Variants in ABCC5 observed in about 807,000 individuals in gnomAD.
The protein encoded by ABCC5 is ATP binding cassette subfamily C member 5.
Under a neutral mutation model 160.9 loss-of-function variants are expected in ABCC5, and 61 were observed. The ratio of observed to expected loss-of-function variants is 0.38; its 90% CI spans 0.31 to 0.47. ABCC5 has a LOEUF of 0.47. Ranked by LOEUF, ABCC5 falls within the 20% of genes least tolerant of loss-of-function variation. The pLI is 0.99. For missense variants in ABCC5, 1,308 were observed against 1,813.3 expected (o/e 0.72, Z 5.06); for synonymous variants, 666 against 700.6 (o/e 0.95, Z 0.78).
chr3:183,924,209 G>A (rs1345313923), intron 29 of ABCC5, among the ~76,000 whole-genome samples: 3 of 151,852 alleles, frequency 2.0e-5, no homozygotes, highest in Non-Finnish European at 2.9e-5. Context: ...TGGTAGAGAC[G>A]GCGTTTCGTC....
chr3:183,925,783 A>T, intron 28 of ABCC5, 64 bp from the exon 29 acceptor site: 1 of 1,486,578 alleles, frequency 6.7e-7, no homozygotes, highest in Non-Finnish European at 9.1e-7. Context: ...GTTAATCTAG[A>T]TTTTACTAAA....
intron 11 of ABCC5, among the ~76,000 whole-genome samples, chr3:183,968,310 A>T (rs1367302197): frequency 1.3e-5 from 2 of 151,998 alleles, no homozygotes; most frequent in African/African-American, 4.8e-5. Flanking sequence ...GGGTTTCGCC[A>T]TGTTGGTCAC....
At chr3:183,944,714 T>C (rs1414640953) in intron 24 of ABCC5, among the ~76,000 whole-genome samples, 1 of 152,186 alleles carries the variant, frequency 6.6e-6, no homozygotes, top group African/African-American at 2.4e-5. Flanking sequence ...TTTCTTAACA[T>C]ATTATGAGAC....
At chr3:183,990,083 A>C (rs868223050) in intron 2 of ABCC5, among the ~76,000 whole-genome samples, 2 of 150,802 alleles carry the variant, frequency 1.3e-5, no homozygotes, top group Non-Finnish European at 3.0e-5. Flanking sequence ...GATTACAGGC[A>C]TGAGCCACCG....
At chr3:183,941,436 C>A (rs1714339808) in intron 25 of ABCC5, among the ~76,000 whole-genome samples, 1 of 152,010 alleles carries the variant, frequency 6.6e-6, no homozygotes, top group Non-Finnish European at 1.5e-5. Context: ...TGAAGTAATT[C>A]CCTCAAACAG....
intron 12 of ABCC5, among the ~76,000 whole-genome samples, chr3:183,966,465 T>C (rs369649854): frequency 2.5e-4 from 38 of 152,308 alleles, no homozygotes; most frequent in African/African-American, 8.9e-4. Context: ...AGAGACAGGG[T>C]TGCCAGGATT....
Position 183,987,547 on chromosome 3 carries a change from C to A in ABCC5, c.591+223G>T. 1 of 642,652 alleles carries A rather than the reference C, an allele frequency of 1.6e-6. No individual in the cohort carries two copies. The highest frequency in any genetic ancestry group is 2.8e-6 in the Non-Finnish European group (1 of 362,348). The allele number at this position is 642,652 out of a possible 1,614,324, so 39.8% of individuals were successfully genotyped here. ...AACTGGAGTCAGTTCCATTTCACCC[C>A]CACCCAGAAATCAAGCCAGTTCCAT... On this transcript the variant is annotated intron_variant, in intron 5 of 29. Transcript: ENST00000334444. This position sits in a 1 kb window ranked among gnomAD's most constrained non-coding sequence, Gnocchi z 4.2.
At chr3:183,974,396 C>A (rs952720454) in intron 10 of ABCC5, among the ~76,000 whole-genome samples, 2 of 152,224 alleles carry the variant, frequency 1.3e-5, no homozygotes, top group African/African-American at 4.8e-5. Flanking sequence ...CAACCTCTGC[C>A]TCCCAGGTTC....
chr3:183,945,754 C>T, intron 24 of ABCC5, 96 bp downstream of exon 24: 2 of 942,344 alleles, frequency 2.1e-6, no homozygotes, highest in Non-Finnish European at 3.5e-6. Flanking sequence ...AGGCAGAGAA[C>T]ACAAGCCTCC....
intron 23 of ABCC5, 48 bp from the exon 24 acceptor site, chr3:183,945,987 C>T (rs774068512): frequency 4.2e-5 from 65 of 1,542,186 alleles, no homozygotes; most frequent in Admixed American, 2.0e-4. Context: ...TATCAATACA[C>T]GCCAGGCCAA....
chr3:183,935,638 A>C (rs763759713), intron 26 of ABCC5, among the ~76,000 whole-genome samples: 12 of 151,812 alleles, frequency 7.9e-5, no homozygotes, highest in Non-Finnish European at 1.5e-4. Context: ...GGAGCTCTGG[A>C]GTAGCTGGGA....
At chr3:183,961,772 C>A in intron 15 of ABCC5, 118 bp from the exon 16 acceptor site, 1 of 1,290,930 alleles carries the variant, frequency 7.7e-7, no homozygotes, top group South Asian at 1.5e-5. Context: ...AGACATTTGG[C>A]AGCATCTGGA....
intron 24 of ABCC5, among the ~76,000 whole-genome samples, chr3:183,945,451 G>T (rs1173704942): frequency 6.6e-6 from 1 of 152,196 alleles, no homozygotes; most frequent in Non-Finnish European, 1.5e-5. Flanking sequence ...AGAATCCAGA[G>T]ATGAGGCCAC....
At chr3:183,983,794 A>C (rs1267657348) in intron 5 of ABCC5, 14 of 985,416 alleles carry the variant, frequency 1.4e-5, no homozygotes, top group Non-Finnish European at 1.1e-5. Context: ...AAAATATAAA[A>C]GTACCATCTT....
intron 18 of ABCC5, 122 bp from the exon 19 acceptor site, chr3:183,952,125 G>T: frequency 3.4e-6 from 3 of 884,018 alleles, no homozygotes; most frequent in East Asian, 5.1e-5. Context: ...CTGGGACCTG[G>T]TCATGGCTTT....
chr3:183,977,039 C>T (rs1718276252), intron 10 of ABCC5, among the ~76,000 whole-genome samples: 1 of 152,234 alleles, frequency 6.6e-6, no homozygotes, highest in South Asian at 2.1e-4. Context: ...AGTTTTATGA[C>T]TATTTCCATG....
rs1229791538 is a variant in ABCC5, at chr3:183,928,822, T to C, written c.3858A>G (p.Ser1286=). 5 of 1,613,876 alleles carry C rather than the reference T, an allele frequency of 3.1e-6. No individual in the cohort carries two copies. Among genetic ancestry groups the C allele is most frequent in the Middle Eastern group, 1.6e-4 (1 of 6,080 alleles). Residue 1286 remains serine (S), a synonymous_variant, in exon 27 of 30, where the codon TCA becomes TCG. Coordinates refer to ENST00000334444, the MANE Select transcript of ABCC5 (RefSeq NM_005688.4). ...EPVLFSGTVR[S]NLDPFNQYTE... ...TGTACTGGTTGAAGGGGTCCAAATT[T>C]GATCTAGGGAGAAACACAGGAATTT...
At chr3:183,959,868 A>G (rs1283934695) in intron 16 of ABCC5, 33 bp from the exon 17 acceptor site, 1 of 1,471,170 alleles carries the variant, frequency 6.8e-7, no homozygotes, top group Non-Finnish European at 9.4e-7. Context: ...GTCTCCAGTC[A>G]TGTTAGCCAT....
chr3:183,941,929 G>A (rs1314259540), intron 25 of ABCC5, among the ~76,000 whole-genome samples: 1 of 151,672 alleles, frequency 6.6e-6, no homozygotes, highest in African/African-American at 2.4e-5. Flanking sequence ...AGCTGAGATC[G>A]TGCTACTGCA....
Sources: gnomAD v4.1 joint callset for allele counts (sites outside exome capture counted in the v4.1 genomes callset) on GRCh38, gnomAD v4.1.1 for gene constraint, Gnocchi (gnomAD v3.1) non-coding constraint, MANE v1.5 for transcripts, NCBI Gene and HGNC (gene_info 2026-07-23, HGNC 2026-07-21) for gene names.